Variants in TMPRSS11D observed in about 807,000 individuals in gnomAD.
TMPRSS11D encodes transmembrane protease serine 11D.
TMPRSS11D carries 32 observed loss-of-function variants against 44.4 expected under a neutral mutation model. The ratio of observed to expected loss-of-function variants is 0.72; its 90% confidence interval spans 0.54 to 0.97. TMPRSS11D has a LOEUF of 0.97. TMPRSS11D is among the 50% of genes least tolerant of loss of function. The pLI is 0.00. For missense variants in TMPRSS11D, 446 were observed against 502.6 expected, an observed-to-expected ratio of 0.89 and a Z score of 1.08; for synonymous variants, 179 against 177.9, an observed-to-expected ratio of 1.01 and a Z score of -0.05.
At chr4:67,833,667 G>T in intron 6 of TMPRSS11D, 1 of 242,006 alleles carries the variant, frequency 4.1e-6, no homozygotes, top group South Asian at 1.7e-4. Flanking sequence ...TTGAGGTTAA[G>T]ATAGGTCATT....
At chr4:67,825,023 G>GT (rs1423679406) in intron 9 of TMPRSS11D, among the ~76,000 whole-genome samples, 1 of 151,940 alleles carries the variant, frequency 6.6e-6, no homozygotes, top group Non-Finnish European at 1.5e-5. Flanking sequence ...TTTCATATTT[G>GT]TTGTTTGTTT....
chr4:67,846,730 T>C (rs1718367183), intron 3 of TMPRSS11D, among the ~76,000 whole-genome samples: 1 of 152,192 alleles, frequency 6.6e-6, no homozygotes, highest in Non-Finnish European at 1.5e-5. Flanking sequence ...TTAAACATTA[T>C]AGTTAATCTT....
intron 3 of TMPRSS11D, among the ~76,000 whole-genome samples, chr4:67,851,061 G>A (rs1718496604): frequency 1.3e-5 from 2 of 152,178 alleles, no homozygotes. Context: ...CTGCCCCAGA[G>A]CAAACCTTTG....
At chr4:67,876,837 A>C (rs1234055070) in intron 1 of TMPRSS11D, among the ~76,000 whole-genome samples, 1 of 152,172 alleles carries the variant, frequency 6.6e-6, no homozygotes, top group Non-Finnish European at 1.5e-5. Flanking sequence ...ACATTTTTTT[A>C]ATTGCCAAAT....
In TMPRSS11D at chr4:67,868,095, A is replaced by AATATATATATATATATAT. The variant is rs923681603; in HGVS notation, c.9-8418_9-8417insATATATATATATATATAT. 6.7e-3 allele frequency among the ~76,000 whole-genome samples: 1,016 copies of AATATATATATATATATAT among 150,832 alleles called. 11 individuals carry two copies. The highest frequency in any genetic ancestry group is 0.024 in the African/African-American group (956 of 40,602). On this transcript the variant is annotated intron_variant, in intron 1 of 9. Transcript: ENST00000283916. ...CTATCAACAGATCACTAGATAGAGA[A>AATATATATATATATATAT]ATATATATATATATGAATACTACTC...
intron 2 of TMPRSS11D, among the ~76,000 whole-genome samples, chr4:67,855,585 A>AT (rs370929747): frequency 9.9e-5 from 15 of 152,282 alleles, no homozygotes; most frequent in African/African-American, 3.6e-4. Flanking sequence ...CACAGCTAAC[A>AT]TTTTACCAAA....
intron 1 of TMPRSS11D, among the ~76,000 whole-genome samples, chr4:67,865,848 A>G (rs1718913599): frequency 6.6e-6 from 1 of 151,904 alleles, no homozygotes; most frequent in Admixed American, 6.6e-5. Flanking sequence ...AATAAGAAAA[A>G]AAACATCTTT....
Position 67,883,940 on chromosome 4 carries a change from C to T in TMPRSS11D, c.-7G>A, listed in dbSNP as rs941273399. 3 of 1,601,346 alleles carry T rather than the reference C, an allele frequency of 1.9e-6. No homozygotes were observed. Among genetic ancestry groups the T allele is most frequent in the Non-Finnish European group, 2.6e-6 (3 of 1,174,502 alleles). On this transcript the variant is annotated 5_prime_UTR_variant, in exon 1 of 10. Coordinates refer to ENST00000283916, the MANE Select transcript of TMPRSS11D (RefSeq NM_004262.3). ...ACAGGACTTACCTATACATTTTAATCCTTAATGAAGAGGTTCTTTTTTCTG... is the reference window on the plus strand; with the variant it reads ...ACAGGACTTACCTATACATTTTAATTCTTAATGAAGAGGTTCTTTTTTCTG...
chr4:67,833,569 T>C (rs1291011968), intron 6 of TMPRSS11D, 188 bp from the exon 7 acceptor site: 7 of 459,158 alleles, frequency 1.5e-5, no homozygotes, highest in African/African-American at 4.0e-5. Context: ...TGCTTATAGA[T>C]AGCATTTTGG....
At chr4:67,822,740 C>T (rs948847819) in intron 9 of TMPRSS11D, among the ~76,000 whole-genome samples, 4 of 152,168 alleles carry the variant, frequency 2.6e-5, no homozygotes, top group Admixed American at 6.5e-5. Flanking sequence ...CCCTCAGTCA[C>T]CGAGTGGTTG....
rs1200320228 is a variant in TMPRSS11D, at chr4:67,854,122, T to C, written c.195A>G (p.Leu65=). ...QLLNVEYNSQ[L]NSPATQEYRT... ...TGTATTCCTGTGTAGCTGGTGAATT[T>C]AACTGACTATTATATTCAACATTTA... Residue 65 remains leucine (L), a synonymous_variant, in exon 3 of 10, where the codon TTA becomes TTG. Coordinates refer to ENST00000283916, the MANE Select transcript of TMPRSS11D (RefSeq NM_004262.3). 1.1e-5 allele frequency: 17 copies of C among 1,601,446 alleles called. No individual in the cohort carries two copies. The highest frequency in any genetic ancestry group is 1.4e-5 in the Non-Finnish European group (17 of 1,175,336).
intron 1 of TMPRSS11D, among the ~76,000 whole-genome samples, chr4:67,869,898 T>C (rs1035447890): frequency 6.6e-6 from 1 of 152,220 alleles, no homozygotes; most frequent in African/African-American, 2.4e-5. Context: ...TTCACAGATA[T>C]AGGCTCAGCC....
At chr4:67,852,151 C>G (rs997803106) in intron 3 of TMPRSS11D, among the ~76,000 whole-genome samples, 1 of 152,224 alleles carries the variant, frequency 6.6e-6, no homozygotes, top group Non-Finnish European at 1.5e-5. Flanking sequence ...ACCCCAGAGA[C>G]ACTCCCTGCA....
intron 2 of TMPRSS11D, among the ~76,000 whole-genome samples, chr4:67,857,304 TA>T (rs1718671112): frequency 3.6e-5 from 1 of 27,584 alleles, no homozygotes; most frequent in Non-Finnish European, 5.5e-5. Flanking sequence ...TATATATATA[TA>T]TATATATATA....
At position 67,821,167 on chromosome 4, in the gene TMPRSS11D, T is replaced by C. The variant is rs1717625084; in HGVS notation, c.*1170A>G. ...GGAGCTCATAAAAACTCAGGAATAT[T>C]AGTGATTCAGACTACAGAGATTTTC... On this transcript the variant is annotated 3_prime_UTR_variant, in exon 10 of 10. Transcript: ENST00000283916. The C allele has an allele frequency of 1.3e-5, 2 of 152,192 alleles. No homozygotes were observed. The highest frequency in any genetic ancestry group is 6.5e-5 in the Admixed American group (1 of 15,276). The allele number at this position is 152,192 out of a possible 1,614,324, so 9.4% of individuals were successfully genotyped here. A position where few individuals can be genotyped will look rare whatever the true frequency, so the allele number is the denominator to read the frequency against.
chr4:67,857,825 A>G (rs1718692178), intron 2 of TMPRSS11D, among the ~76,000 whole-genome samples: 1 of 152,160 alleles, frequency 6.6e-6, no homozygotes, highest in Non-Finnish European at 1.5e-5. Flanking sequence ...GTTAACAACA[A>G]TCTATTATGT....
intron 1 of TMPRSS11D, among the ~76,000 whole-genome samples, chr4:67,867,001 CA>C (rs139542831): frequency 6.6e-6 from 1 of 151,382 alleles, no homozygotes; most frequent in African/African-American, 2.4e-5. Context: ...CATATAAAAC[CA>C]AAAAAAGAGC....
chr4:67,834,420 A>G (rs2109665017), intron 6 of TMPRSS11D, among the ~76,000 whole-genome samples: 1 of 152,328 alleles, frequency 6.6e-6, no homozygotes, highest in South Asian at 2.1e-4. Flanking sequence ...GTGAAGCTGA[A>G]AAACACCCAT....
At chr4:67,853,546 C>T (rs1460253268) in intron 3 of TMPRSS11D, among the ~76,000 whole-genome samples, 2 of 152,142 alleles carry the variant, frequency 1.3e-5, no homozygotes, top group East Asian at 1.9e-4. Flanking sequence ...AGGGTCCACT[C>T]GTGAGGTTTC....
Sources: allele counts gnomAD v4.1 joint callset (sites outside exome capture counted in the v4.1 genomes callset), GRCh38; gene constraint gnomAD v4.1.1; transcripts MANE v1.5; gene names NCBI Gene and HGNC (gene_info 2026-07-23, HGNC 2026-07-21).